RERE: variants seen among roughly 807,000 people sequenced by gnomAD.
RERE encodes arginine-glutamic acid dipeptide repeats protein.
A neutral mutation model predicts 146.1 loss-of-function variants in RERE; 40 were observed. The ratio of observed to expected loss-of-function variants is 0.27; its 90% CI spans 0.21 to 0.36. RERE has a LOEUF of 0.36. RERE is among the 10% of genes least tolerant of loss of function. The probability of loss-of-function intolerance (pLI) is 1.00; values close to 1 mark genes in which losing one functional copy is unlikely to be tolerated. For synonymous variants in RERE, 1,003 were observed against 866.0 expected (o/e 1.16, Z -2.78); for missense variants, 1,933 against 2,138.7 (o/e 0.90, Z 1.90).
Position 8,767,181 on chromosome 1 carries a change from C to T in RERE, c.-145+49979G>A, listed in dbSNP as rs139320891. Reference sequence around the variant, plus strand: ...GCATGTAGCATTACTGGTTGAAAACCGAGAAGTTCTAATTTGATGGCTTCT... The same window carrying T: ...GCATGTAGCATTACTGGTTGAAAACTGAGAAGTTCTAATTTGATGGCTTCT... On this transcript the variant is annotated intron_variant, in intron 1 of 22. Transcript: ENST00000400908. Among the ~76,000 whole-genome samples, 27 of 152,110 alleles carry T rather than the reference C, an allele frequency of 1.8e-4. No individual in the cohort carries two copies. In the East Asian group the frequency reaches 2.5e-3, roughly 14 times the overall value.
At chr1:8,379,584 T>C (rs1210056439) in intron 12 of RERE, among the ~76,000 whole-genome samples, 1 of 152,198 alleles carries the variant, frequency 6.6e-6, no homozygotes, top group Non-Finnish European at 1.5e-5. Context: ...TCCTGGTCCA[T>C]ATCTAGGTCT....
intron 12 of RERE, among the ~76,000 whole-genome samples, chr1:8,412,759 G>C (rs1643648776): frequency 6.6e-6 from 1 of 152,240 alleles, no homozygotes; most frequent in African/African-American, 2.4e-5. Flanking sequence ...GTGTGGCAGA[G>C]TGAACCCCAA....
chr1:8,408,925 A>G (rs1643535152), intron 12 of RERE, among the ~76,000 whole-genome samples: 1 of 152,178 alleles, frequency 6.6e-6, no homozygotes, highest in Non-Finnish European at 1.5e-5. Flanking sequence ...GGGTCCCCCA[A>G]ACAAGTCTAA....
chr1:8,559,306 A>C (rs1338214880), intron 4 of RERE, among the ~76,000 whole-genome samples: 1 of 122,662 alleles, frequency 8.2e-6, no homozygotes, highest in Admixed American at 8.0e-5. Context: ...AAAAAAAAAC[A>C]GAACAAAACA....
intron 4 of RERE, among the ~76,000 whole-genome samples, chr1:8,610,894 TA>T (rs1312176735): frequency 5.6e-4 from 78 of 139,906 alleles, no homozygotes; most frequent in Admixed American, 6.4e-4. Flanking sequence ...AATAATGATT[TA>T]AAAAAAAAAA....
chr1:8,442,804 T>A (rs1430845640), intron 11 of RERE, among the ~76,000 whole-genome samples: 1 of 152,160 alleles, frequency 6.6e-6, no homozygotes, highest in Non-Finnish European at 1.5e-5. Context: ...GGTTAAATGG[T>A]TGTGACCAAA....
chr1:8,640,890 C>A (rs1050087008), intron 2 of RERE, among the ~76,000 whole-genome samples: 1 of 152,124 alleles, frequency 6.6e-6, no homozygotes, highest in Non-Finnish European at 1.5e-5. Flanking sequence ...CTCACTTTTT[C>A]TAGTATTTAG....
At chr1:8,660,603 T>C (rs1157028227) in intron 1 of RERE, among the ~76,000 whole-genome samples, 1 of 152,196 alleles carries the variant, frequency 6.6e-6, no homozygotes, top group African/African-American at 2.4e-5. Context: ...CCTATCTGGC[T>C]TGCACAGGAA....
intron 3 of RERE, 131 bp downstream of exon 3, chr1:8,624,179 G>A (rs1427635684): frequency 2.6e-5 from 18 of 692,868 alleles, no homozygotes; most frequent in Middle Eastern, 4.1e-4. Flanking sequence ...CTACTGCCAC[G>A]AGGCAGTTAG....
Position 8,362,684 on chromosome 1 carries a change from T to C in RERE, c.1901A>G (p.Lys634Arg). ...CCTACTATCCCCCCAGCACCTGACC[T>C]TGGCCGACTTCTTCACTGTCTCTGC... ...SKAETVKKSAKKVKEEASSPL... is the reference protein window; with the variant it reads ...SKAETVKKSARKVKEEASSPL... Residue 634 changes from lysine to arginine, a missense_variant and splice_region_variant, in exon 16 of 23, where the codon AAG becomes AGG. Coordinates refer to ENST00000400908, the MANE Select transcript of RERE (RefSeq NM_001042681.2). 1 of 1,614,216 alleles carries C rather than the reference T, an allele frequency of 6.2e-7. No homozygotes were observed. Among genetic ancestry groups the C allele is most frequent in the Non-Finnish European group, 8.5e-7 (1 of 1,180,048 alleles).
intron 12 of RERE, among the ~76,000 whole-genome samples, chr1:8,418,082 G>C (rs1643827083): frequency 1.3e-5 from 2 of 152,206 alleles, no homozygotes; most frequent in African/African-American, 4.8e-5. Context: ...AAGTATGGCA[G>C]GTATGTAAAT....
intron 10 of RERE, among the ~76,000 whole-genome samples, chr1:8,484,569 G>A (rs1557652885): frequency 6.6e-6 from 1 of 151,814 alleles, no homozygotes; most frequent in Admixed American, 6.6e-5. Flanking sequence ...GATTACAGGC[G>A]CCACCATCAC....
At chr1:8,504,669 T>A (rs111609693) in intron 8 of RERE, among the ~76,000 whole-genome samples, 9 of 151,966 alleles carry the variant, frequency 5.9e-5, no homozygotes, top group Admixed American at 2.0e-4. Context: ...CTGGCCAACA[T>A]AGTGAAACCC....
chr1:8,361,310 T>G lies in RERE; in HGVS notation c.2197A>C (p.Met733Leu). 6.2e-7 allele frequency: 1 copy of G among 1,610,838 alleles called. No individual in the cohort carries two copies. The highest frequency in any genetic ancestry group is 8.5e-7 in the Non-Finnish European group (1 of 1,178,232). The change falls in exon 18 of 23, where the codon ATG becomes CTG. Residue 733 changes from methionine to leucine, a missense_variant. Physicochemically the swap from Met to Leu is conservative, Grantham distance 15. Coordinates refer to ENST00000400908, the MANE Select transcript of RERE (RefSeq NM_001042681.2). ...AAGGCTGGGGGCTGGGCCTGCAGCA[T>G]CTGCTGCTGGGCTGACGAGTCCGAG... ...SDSDSSAQQQ[M>L]LQAQPPALQA...
chr1:8,450,547 C>A (rs148758813), intron 11 of RERE, among the ~76,000 whole-genome samples: 1 of 152,146 alleles, frequency 6.6e-6, no homozygotes, highest in East Asian at 1.9e-4. Context: ...CCTCGCACGA[C>A]GTCCCCTAGA....
chr1:8,778,695 T>C (rs1212307171), intron 1 of RERE, among the ~76,000 whole-genome samples: 2 of 151,868 alleles, frequency 1.3e-5, no homozygotes, highest in Non-Finnish European at 2.9e-5. Context: ...AGCTACTCAG[T>C]TGTGGTGGCA....
At chr1:8,762,993 T>C (rs1348158423) in intron 1 of RERE, among the ~76,000 whole-genome samples, 1 of 152,026 alleles carries the variant, frequency 6.6e-6, no homozygotes, top group Non-Finnish European at 1.5e-5. Context: ...AATCTAGGCA[T>C]GGAAGACTAA....
In RERE at chr1:8,541,325, A is replaced by G. The variant is rs370214119; in HGVS notation, c.726-7T>C. The G allele has an allele frequency of 3.1e-5, 48 of 1,560,496 alleles. No homozygotes were observed. In the African/African-American group the frequency reaches 6.2e-4, roughly 20 times the overall value. ...GGAGATGTTACACTTCCCTCTGGGA[A>G]AAAGAGAAAAAAATAATTAGTAATA... On this transcript the variant is annotated splice_region_variant and splice_polypyrimidine_tract_variant and intron_variant, in intron 6 of 22. Transcript: ENST00000400908.
intron 1 of RERE, among the ~76,000 whole-genome samples, chr1:8,691,090 G>C (rs1009567047): frequency 6.6e-6 from 1 of 151,958 alleles, no homozygotes; most frequent in Non-Finnish European, 1.5e-5. Context: ...TACAGACGGG[G>C]TTTTACCATG....
Sources: gnomAD v4.1 joint callset for allele counts (sites outside exome capture counted in the v4.1 genomes callset) on GRCh38, gnomAD v4.1.1 for gene constraint, MANE v1.5 for transcripts, NCBI Gene and HGNC (gene_info 2026-07-23, HGNC 2026-07-21) for gene names.